Variants in ST18 observed in about 807,000 individuals in gnomAD.
ST18 encodes ST18 C2H2C-type zinc finger transcription factor.
In ST18, 50 loss-of-function variants were observed where a neutral mutation model predicts 110.0. That is an observed-to-expected ratio of 0.45 (90% confidence interval 0.36 to 0.58). The LOEUF is 0.58. Among genes scored for constraint, ST18 ranks in the 20% least tolerant of loss-of-function variants. The pLI is 0.00. For missense variants in ST18, 1,306 were observed against 1,280.1 expected (o/e 1.02, Z -0.31); for synonymous variants, 461 against 452.4 (o/e 1.02, Z -0.24).
chr8:52,213,952 T>C (rs62501026), intron 7 of ST18, among the ~76,000 whole-genome samples: 16,487 of 152,290 alleles, frequency 0.11, 1,148 homozygotes, highest in Middle Eastern at 0.21. Context: ...TGCGTGATGT[T>C]CAAATCCACT....
intron 2 of ST18, among the ~76,000 whole-genome samples, chr8:52,343,248 C>T (rs923193856): frequency 2.0e-5 from 3 of 152,124 alleles, no homozygotes. Context: ...CCGTTACTAA[C>T]CCGCCAGACA....
At chr8:52,298,334 G>A (rs557250376) in intron 2 of ST18, among the ~76,000 whole-genome samples, 2 of 152,258 alleles carry the variant, frequency 1.3e-5, no homozygotes, top group Admixed American at 1.3e-4. Flanking sequence ...TTCAAAGCAT[G>A]GAATATTAAG....
chr8:52,328,679 T>C (rs181630852), intron 2 of ST18, among the ~76,000 whole-genome samples: 1 of 152,324 alleles, frequency 6.6e-6, no homozygotes, highest in East Asian at 1.9e-4. Context: ...ATCCTAGGCA[T>C]GTAGGACTTC....
In ST18 at chr8:52,131,900, C is replaced by T. The variant is rs2049768164; in HGVS notation, c.2666+58G>A. On this transcript the variant is annotated intron_variant, in intron 22 of 25. Coordinates refer to ENST00000689386, the MANE Select transcript of ST18 (RefSeq NM_001352837.2). ...GTTGTTCACAACCCTCTCCCCAAGGCAGCCTAGGCGACAACCGATCACAAC... is the reference window on the plus strand; with the variant it reads ...GTTGTTCACAACCCTCTCCCCAAGGTAGCCTAGGCGACAACCGATCACAAC... The T allele has an allele frequency of 1.9e-6, 3 of 1,562,868 alleles. No homozygotes were observed. In the East Asian group the frequency reaches 6.8e-5, roughly 35 times the overall value.
At chr8:52,247,136 A>C (rs1346955917) in intron 2 of ST18, among the ~76,000 whole-genome samples, 2 of 152,182 alleles carry the variant, frequency 1.3e-5, no homozygotes, top group African/African-American at 2.4e-5. Context: ...CAGTCCTCTG[A>C]ACTAAGTATT....
intron 2 of ST18, among the ~76,000 whole-genome samples, chr8:52,314,829 T>C (rs1477326975): frequency 6.6e-6 from 1 of 152,126 alleles, no homozygotes; most frequent in East Asian, 1.9e-4. Flanking sequence ...CAGCAGGGAT[T>C]GGCACAGCCA....
At chr8:52,284,828 A>T (rs1476202964) in intron 2 of ST18, among the ~76,000 whole-genome samples, 1 of 152,180 alleles carries the variant, frequency 6.6e-6, no homozygotes, top group Non-Finnish European at 1.5e-5. Context: ...CCCCAAAAAA[A>T]TCAAATGTAG....
At chr8:52,374,210 A>G (rs1454547852) in intron 2 of ST18, among the ~76,000 whole-genome samples, 4 of 152,182 alleles carry the variant, frequency 2.6e-5, no homozygotes, top group East Asian at 3.9e-4. Context: ...ATAAGGTCCT[A>G]CTACATTAGG....
At chr8:52,196,794 AC>A (rs2076326938) in intron 8 of ST18, among the ~76,000 whole-genome samples, 1 of 152,098 alleles carries the variant, frequency 6.6e-6, no homozygotes, top group South Asian at 2.1e-4. Flanking sequence ...CTTGGAATTA[AC>A]CCTTTAGGAG....
chr8:52,235,124 T>G (rs1015006913), intron 2 of ST18, among the ~76,000 whole-genome samples: 2 of 151,774 alleles, frequency 1.3e-5, no homozygotes, highest in Non-Finnish European at 2.9e-5. Context: ...AATCAAAAGT[T>G]TTAAAAGCAA....
intron 2 of ST18, among the ~76,000 whole-genome samples, chr8:52,360,110 A>G (rs1048127938): frequency 6.6e-6 from 1 of 152,094 alleles, no homozygotes. Context: ...TAAGGAAAAT[A>G]TTTTGGAGAC....
chr8:52,198,872 C>A (rs2135377785), intron 8 of ST18, among the ~76,000 whole-genome samples: 1 of 152,276 alleles, frequency 6.6e-6, no homozygotes, highest in East Asian at 1.9e-4. Flanking sequence ...TGTACCTGTG[C>A]CTTCCTCCAC....
At chr8:52,180,980 C>G (rs991000280) in intron 8 of ST18, among the ~76,000 whole-genome samples, 2 of 152,198 alleles carry the variant, frequency 1.3e-5, no homozygotes, top group Non-Finnish European at 2.9e-5. Context: ...AAATGGACAA[C>G]AGTTTATCCT....
chr8:52,232,029 A>G (rs566409043), intron 2 of ST18, among the ~76,000 whole-genome samples: 1 of 152,358 alleles, frequency 6.6e-6, no homozygotes, highest in East Asian at 1.9e-4. Context: ...TTTGTGGACC[A>G]TACTTGGAAA....
chr8:52,208,154 C>A (rs2080779428), intron 8 of ST18, among the ~76,000 whole-genome samples: 1 of 152,068 alleles, frequency 6.6e-6, no homozygotes, highest in South Asian at 2.1e-4. Flanking sequence ...TTATTAGTGC[C>A]ATGAAGAATA....
intron 2 of ST18, among the ~76,000 whole-genome samples, chr8:52,252,670 T>C (rs1478574477): frequency 6.6e-6 from 1 of 151,964 alleles, no homozygotes; most frequent in Non-Finnish European, 1.5e-5. Flanking sequence ...TACCATAACA[T>C]AAATACAACT....
intron 8 of ST18, among the ~76,000 whole-genome samples, chr8:52,203,716 G>A (rs898715284): frequency 1.3e-5 from 2 of 152,154 alleles, no homozygotes; most frequent in Non-Finnish European, 2.9e-5. Flanking sequence ...AGTAGGACTG[G>A]GGAGAAAAGA....
chr8:52,303,966 C>T (rs913069450), intron 2 of ST18, among the ~76,000 whole-genome samples: 9 of 152,178 alleles, frequency 5.9e-5, no homozygotes, highest in East Asian at 1.9e-4. Flanking sequence ...ATTGTGATTA[C>T]GTCCTTGCTT....
intron 2 of ST18, among the ~76,000 whole-genome samples, chr8:52,383,210 G>A (rs1475454436): frequency 6.6e-6 from 1 of 152,112 alleles, no homozygotes; most frequent in Non-Finnish European, 1.5e-5. Flanking sequence ...AGATAAACAG[G>A]CAAGTGCAAG....
Sources: allele counts gnomAD v4.1 joint callset (sites outside exome capture counted in the v4.1 genomes callset), GRCh38; gene constraint gnomAD v4.1.1; transcripts MANE v1.5; gene names NCBI Gene and HGNC (gene_info 2026-07-23, HGNC 2026-07-21).